Variants in ERG observed in about 807,000 individuals in gnomAD.
ERG encodes the protein ETS transcription factor ERG.
In ERG, 9 loss-of-function variants were observed where a neutral mutation model predicts 55.3. The ratio of observed to expected loss-of-function variants is 0.16; its 90% CI spans 0.10 to 0.28. ERG has a LOEUF of 0.28. Among genes scored for constraint, ERG ranks in the 10% least tolerant of loss-of-function variants. ERG has a pLI of 1.00. For synonymous variants in ERG, 223 were observed against 237.3 expected, an observed-to-expected ratio of 0.94 and a Z score of 0.55; for missense variants, 434 against 631.6, an observed-to-expected ratio of 0.69 and a Z score of 3.35.
chr21:38,378,666 T>C (rs1290348024), downstream of ERG, among the ~76,000 whole-genome samples: 4 of 152,206 alleles, frequency 2.6e-5, no homozygotes, highest in African/African-American at 9.6e-5. Context: ...AACTGTCCTA[T>C]GTCCCTCTTT....
chr21:38,649,862 G>A (rs933842436), intron 1 of ERG, among the ~76,000 whole-genome samples: 1 of 152,176 alleles, frequency 6.6e-6, no homozygotes, highest in Non-Finnish European at 1.5e-5. Context: ...TTGTCCTTAC[G>A]TGACCCTACA....
At chr21:38,371,656 A>T in the ERG span, among the ~76,000 whole-genome samples, 1 of 151,874 alleles carries the variant, frequency 6.6e-6, no homozygotes, top group Admixed American at 6.6e-5. Context: ...CATGTGGGGG[A>T]TACATTAATT....
At chr21:38,412,762 T>G (rs557445471) in intron 3 of ERG, among the ~76,000 whole-genome samples, 3 of 152,244 alleles carry the variant, frequency 2.0e-5, no homozygotes, top group Admixed American at 6.5e-5. Context: ...ACCTTCTGCT[T>G]AATCATGTTC....
At chr21:38,413,834 T>C (rs1276923088) in intron 3 of ERG, among the ~76,000 whole-genome samples, 1 of 152,194 alleles carries the variant, frequency 6.6e-6, no homozygotes, top group Non-Finnish European at 1.5e-5. Flanking sequence ...GGGTTTTCTT[T>C]CTTTGTCTTC....
intron 3 of ERG, among the ~76,000 whole-genome samples, chr21:38,415,010 C>T (rs1182010707): frequency 1.3e-5 from 2 of 152,152 alleles, no homozygotes; most frequent in East Asian, 3.9e-4. Context: ...CCTTTGTTTA[C>T]TTAAGTCTTA....
downstream of ERG, among the ~76,000 whole-genome samples, chr21:38,375,927 C>T (rs1310846243): frequency 6.6e-6 from 1 of 152,210 alleles, no homozygotes; most frequent in Non-Finnish European, 1.5e-5. Flanking sequence ...TTCCAACTGT[C>T]TTACCCCTTC....
chr21:38,659,457 G>A (rs1467190856), intron 1 of ERG, among the ~76,000 whole-genome samples: 1 of 152,246 alleles, frequency 6.6e-6, no homozygotes, highest in East Asian at 1.9e-4. Context: ...AGCGGAGCAA[G>A]GGTTAACTTT....
intron 1 of ERG, among the ~76,000 whole-genome samples, chr21:38,459,155 G>A (rs931677336): frequency 1.3e-5 from 2 of 152,174 alleles, no homozygotes; most frequent in African/African-American, 4.8e-5. Flanking sequence ...TCACTCAGGA[G>A]CCACTCCAAT....
chr21:38,515,544 A>C (rs1228787845), intron 2 of ERG, among the ~76,000 whole-genome samples: 1 of 151,964 alleles, frequency 6.6e-6, no homozygotes. Context: ...AAAATTAAAG[A>C]GGAGAGAATT....
At chr21:38,630,134 TAA>T (rs2146955777) in intron 1 of ERG, among the ~76,000 whole-genome samples, 1 of 152,184 alleles carries the variant, frequency 6.6e-6, no homozygotes, top group East Asian at 1.9e-4. Context: ...GTTCAACAGG[TAA>T]AGAGTTTTTT....
intron 3 of ERG, among the ~76,000 whole-genome samples, chr21:38,406,265 G>A (rs1988770085): frequency 6.6e-6 from 1 of 151,790 alleles, no homozygotes; most frequent in South Asian, 2.1e-4. Context: ...AGTGATGACA[G>A]AAAAGTGTAC....
chr21:38,517,824 A>G (rs966296866), intron 2 of ERG, among the ~76,000 whole-genome samples: 2 of 152,160 alleles, frequency 1.3e-5, no homozygotes, highest in Non-Finnish European at 1.5e-5. Flanking sequence ...ATGGAACCGG[A>G]GGTCATTATG....
intron 2 of ERG, among the ~76,000 whole-genome samples, chr21:38,556,467 G>A (rs1052862288): frequency 1.3e-5 from 2 of 152,106 alleles, no homozygotes; most frequent in Non-Finnish European, 2.9e-5. Flanking sequence ...AGGAGATAGG[G>A]CATATGAGCC....
upstream of ERG, among the ~76,000 whole-genome samples, chr21:38,502,783 G>C (rs565780098): frequency 4.9e-3 from 721 of 147,876 alleles, 12 homozygotes; most frequent in African/African-American, 0.017. Flanking sequence ...CTGGAGTGCA[G>C]TGGCGTGATC....
intron 1 of ERG, among the ~76,000 whole-genome samples, chr21:38,459,433 C>G (rs1569115876): frequency 6.6e-6 from 1 of 152,232 alleles, no homozygotes; most frequent in Non-Finnish European, 1.5e-5. Flanking sequence ...CCAGAACAAT[C>G]TGAGGGCATG....
In ERG at chr21:38,597,472, T is replaced by TACACACACAC. The variant is rs3065420; in HGVS notation, c.-149-12537_-149-12528dup. ...ATATAGAGAGATATCTATATATATC[T>TACACACACAC]ACACACACACACACACACACACACA... On this transcript the variant is annotated intron_variant, in intron 1 of 10. Transcript: ENST00000398910. 7.3e-3 allele frequency among the ~76,000 whole-genome samples: 1,086 copies of TACACACACAC among 148,250 alleles called. 12 individuals are homozygous for TACACACACAC. Among genetic ancestry groups the TACACACACAC allele is most frequent in the East Asian group, 0.041 (207 of 5,022 alleles).
chr21:38,596,033 C>T (rs1489091604), intron 1 of ERG, among the ~76,000 whole-genome samples: 3 of 132,804 alleles, frequency 2.3e-5, no homozygotes, highest in African/African-American at 6.2e-5. Flanking sequence ...CAGATCCTCT[C>T]TATATAAAAA....
intron 1 of ERG, among the ~76,000 whole-genome samples, chr21:38,481,450 A>T (rs1449256807): frequency 6.6e-6 from 1 of 152,242 alleles, no homozygotes; most frequent in Non-Finnish European, 1.5e-5. Context: ...ATGAAAGATT[A>T]CATTTTCATT....
intron 1 of ERG, among the ~76,000 whole-genome samples, chr21:38,465,245 A>C (rs1219828311): frequency 6.6e-6 from 1 of 152,168 alleles, no homozygotes; most frequent in Non-Finnish European, 1.5e-5. Context: ...TCCCCATGAA[A>C]AGAGATGGGC....
Sources: allele counts gnomAD v4.1 joint callset (sites outside exome capture counted in the v4.1 genomes callset), GRCh38; gene constraint gnomAD v4.1.1; transcripts MANE v1.5; gene names NCBI Gene and HGNC (gene_info 2026-07-23, HGNC 2026-07-21).